FHIT: variants seen among roughly 807,000 people sequenced by gnomAD.
FHIT encodes the protein fragile histidine triad diadenosine triphosphatase.
In FHIT, 19 loss-of-function variants were observed where a neutral mutation model predicts 17.9. The ratio of observed to expected loss-of-function variants is 1.06; its 90% CI spans 0.74 to 1.56. The LOEUF is 1.56. Among genes scored for constraint, FHIT ranks in the 40% most tolerant of loss-of-function variants. The probability of loss-of-function intolerance (pLI) is 0.00; values close to 1 mark genes in which losing one functional copy is unlikely to be tolerated. For missense variants in FHIT, 248 were observed against 189.2 expected (o/e 1.31, Z -1.82); for synonymous variants, 81 against 69.7 (o/e 1.16, Z -0.81).
intron 8 of FHIT, among the ~76,000 whole-genome samples, chr3:59,841,064 G>A (rs958871602): frequency 6.6e-6 from 1 of 152,140 alleles, no homozygotes; most frequent in Non-Finnish European, 1.5e-5. Context: ...CATGTCTTCG[G>A]GTTTCATTTT....
intron 4 of FHIT, among the ~76,000 whole-genome samples, chr3:60,692,421 C>T (rs1450627571): frequency 6.6e-6 from 1 of 152,136 alleles, no homozygotes; most frequent in African/African-American, 2.4e-5. Flanking sequence ...GGGAGATTAT[C>T]CTCCAGTACC....
At chr3:59,999,376 G>A (rs138213493) in intron 7 of FHIT, among the ~76,000 whole-genome samples, 337 of 152,224 alleles carry the variant, frequency 2.2e-3, no homozygotes, top group African/African-American at 7.7e-3. Context: ...GCACTAGAGG[G>A]AACCTATTGG....
chr3:60,268,469 T>G (rs1189611498), intron 5 of FHIT, among the ~76,000 whole-genome samples: 2 of 152,152 alleles, frequency 1.3e-5, no homozygotes, highest in African/African-American at 2.4e-5. Context: ...AACCCTAAAA[T>G]TGGACTAGGC....
intron 8 of FHIT, among the ~76,000 whole-genome samples, chr3:59,832,567 T>G (rs564473725): frequency 1.3e-5 from 2 of 152,330 alleles, no homozygotes; most frequent in Non-Finnish European, 2.9e-5. Flanking sequence ...GTCCTCTGCA[T>G]TGTGAATAGC....
chr3:60,656,986 A>AAC (rs2107816716), intron 4 of FHIT, among the ~76,000 whole-genome samples: 1 of 151,842 alleles, frequency 6.6e-6, no homozygotes, highest in Non-Finnish European at 1.5e-5. Context: ...CCACACAAAA[A>AAC]AAAACATCCA....
chr3:59,965,710 T>G (rs1276767723), intron 7 of FHIT, among the ~76,000 whole-genome samples: 2 of 152,188 alleles, frequency 1.3e-5, no homozygotes, highest in South Asian at 2.1e-4. Context: ...GAGAATTAAT[T>G]AAGCCCAATT....
chr3:60,124,009 T>TATAGAGAG (rs1384962194), intron 5 of FHIT, among the ~76,000 whole-genome samples: 3 of 12,154 alleles, frequency 2.5e-4, no homozygotes, highest in Non-Finnish European at 4.4e-4. Context: ...TATATATATA[T>TATAGAGAG]AGAGAGAGAG....
At position 59,747,401 on chromosome 3, in the gene FHIT, CCAT is replaced by C. The variant is rs764287787; in HGVS notation, c.*2181_*2183del. Among the ~76,000 whole-genome samples the C allele has an allele frequency of 6.6e-6, 1 of 152,034 alleles. No individual in the cohort carries two copies. The highest frequency in any genetic ancestry group is 1.5e-5 in the Non-Finnish European group (1 of 68,002). On this transcript the variant is annotated 3_prime_UTR_variant, in exon 10 of 10. Transcript: ENST00000492590. The stretch of plus-strand genomic sequence containing the variant: ...TTCAGGGGAAATGTCCTTTATAAAA[CCAT>C]CACTATCAATCATGAGAACAGCATG...
chr3:61,203,620 TATTG>T (rs1560068944), intron 1 of FHIT, among the ~76,000 whole-genome samples: 1 of 152,134 alleles, frequency 6.6e-6, no homozygotes, highest in Non-Finnish European at 1.5e-5. Context: ...AAGTAATGGG[TATTG>T]ATTAATAATT....
At chr3:60,249,210 G>A (rs1287995998) in intron 5 of FHIT, among the ~76,000 whole-genome samples, 1 of 152,062 alleles carries the variant, frequency 6.6e-6, no homozygotes, top group Non-Finnish European at 1.5e-5. Context: ...CTCACAAGGT[G>A]TTCGTTTTTC....
intron 3 of FHIT, among the ~76,000 whole-genome samples, chr3:61,007,339 G>A (rs1187105939): frequency 6.6e-6 from 1 of 152,102 alleles, no homozygotes; most frequent in Admixed American, 6.5e-5. Context: ...GAGTGTAATC[G>A]TTTTTTCATC....
chr3:60,337,959 A>G (rs1275504901), intron 5 of FHIT, among the ~76,000 whole-genome samples: 1 of 152,164 alleles, frequency 6.6e-6, no homozygotes, highest in Non-Finnish European at 1.5e-5. Flanking sequence ...AAGCCTGGGC[A>G]TTTTTACCAG....
chr3:60,879,117 G>A (rs1704834130), intron 3 of FHIT, among the ~76,000 whole-genome samples: 1 of 152,186 alleles, frequency 6.6e-6, no homozygotes, highest in African/African-American at 2.4e-5. Context: ...CAGTGTAAAA[G>A]TGTTCCTATT....
intron 4 of FHIT, among the ~76,000 whole-genome samples, chr3:60,760,712 TAAA>T (rs1275828467): frequency 1.4e-4 from 21 of 152,232 alleles, no homozygotes; most frequent in African/African-American, 5.1e-4. Flanking sequence ...GTAAGGAAAA[TAAA>T]GAAGACATGG....
At chr3:59,807,547 G>C (rs1314541776) in intron 8 of FHIT, among the ~76,000 whole-genome samples, 3 of 152,204 alleles carry the variant, frequency 2.0e-5, no homozygotes, top group African/African-American at 7.2e-5. Flanking sequence ...GAGAGTTAAA[G>C]TCAGGACCCA....
intron 5 of FHIT, among the ~76,000 whole-genome samples, chr3:60,287,505 A>G (rs1331741808): frequency 6.6e-6 from 1 of 152,206 alleles, no homozygotes; most frequent in East Asian, 1.9e-4. Flanking sequence ...GACTGCTGAG[A>G]GTACTACATA....
At chr3:60,539,253 A>T (rs2036095957) in intron 4 of FHIT, among the ~76,000 whole-genome samples, 1 of 152,240 alleles carries the variant, frequency 6.6e-6, no homozygotes, top group Non-Finnish European at 1.5e-5. Flanking sequence ...ATACAATCTC[A>T]CACCAGCTAG....
intron 3 of FHIT, among the ~76,000 whole-genome samples, chr3:60,924,997 G>T (rs1198181955): frequency 6.6e-6 from 1 of 152,200 alleles, no homozygotes; most frequent in East Asian, 1.9e-4. Flanking sequence ...AGCAAGAAGG[G>T]AAGTTTAGAG....
chr3:60,497,975 T>TA (rs1258359525), intron 5 of FHIT, among the ~76,000 whole-genome samples: 1 of 152,182 alleles, frequency 6.6e-6, no homozygotes, highest in East Asian at 1.9e-4. Context: ...AGATAGTAAA[T>TA]ATTTTGGGCT....
Sources: allele counts gnomAD v4.1 joint callset (sites outside exome capture counted in the v4.1 genomes callset), GRCh38; gene constraint gnomAD v4.1.1; transcripts MANE v1.5; gene names NCBI Gene and HGNC (gene_info 2026-07-23, HGNC 2026-07-21).